DMD: variants seen among roughly 807,000 people sequenced by gnomAD.
The protein encoded by DMD is mutant dystrophin.
In DMD, 63 loss-of-function variants were observed where a neutral mutation model predicts 330.1. The observed-to-expected ratio is 0.19, with a 90% CI of 0.16 to 0.24. DMD has a LOEUF of 0.24. DMD is among the 10% of genes least tolerant of loss of function. DMD has a pLI of 1.00. For synonymous variants in DMD, 1,223 were observed against 959.8 expected (o/e 1.27, Z -5.07); for missense variants, 3,344 against 2,684.1 (o/e 1.25, Z -5.43).
Position 32,067,808 on chromosome X carries a change from G to T in DMD, c.6439-99294C>A, listed in dbSNP as rs986589731. ...ACTTTGCTATTGTGCATAGTGCTGT[G>T]ACAAACATGTGAGTGCATGTGTCTT... On this transcript the variant is annotated intron_variant, in intron 44 of 78. Transcript: ENST00000357033. Among the ~76,000 whole-genome samples, 68 of 112,109 alleles carry T rather than the reference G, an allele frequency of 6.1e-4. 1 individual carries two copies. The highest frequency in any genetic ancestry group is 2.1e-3 in the African/African-American group (64 of 30,916).
At chrX:32,559,493 T>A (rs934516134) in intron 16 of DMD, among the ~76,000 whole-genome samples, 1 of 111,842 alleles carries the variant, frequency 8.9e-6, no homozygotes, top group Non-Finnish European at 1.9e-5. Flanking sequence ...CCTTAGAGTA[T>A]TTTTAATTAA....
chrX:33,169,081 T>TG (rs34071606), intron 1 of DMD, among the ~76,000 whole-genome samples: 21,874 of 108,547 alleles, frequency 0.2, 2,162 homozygotes, highest in East Asian at 0.46. Flanking sequence ...TCAACAGTAT[T>TG]GGGGCCTCCC....
At chrX:31,333,158 T>C (rs906362770) in intron 61 of DMD, among the ~76,000 whole-genome samples, 27 of 112,212 alleles carry the variant, frequency 2.4e-4, no homozygotes, top group African/African-American at 8.7e-4. Context: ...ATCAACTGTG[T>C]TTTATCATTA....
In DMD at chrX:31,263,942, C is replaced by G. The variant is rs141789329; in HGVS notation, c.9225-2926G>C. ...GATTCTTTGGTAACTATATGACGAA[C>G]CAAATATTCACTTCACGGCTTGTTA... On this transcript the variant is annotated intron_variant, in intron 62 of 78. Coordinates refer to ENST00000357033, the MANE Select transcript of DMD (RefSeq NM_004006.3). Among the ~76,000 whole-genome samples the G allele has an allele frequency of 4.7e-3, 526 of 112,184 alleles. 2 individuals carry two copies. Among genetic ancestry groups the G allele is most frequent in the Non-Finnish European group, 6.6e-3 (349 of 53,229 alleles).
At chrX:31,817,436 A>G (rs2092660017) in intron 50 of DMD, among the ~76,000 whole-genome samples, 1 of 111,978 alleles carries the variant, frequency 8.9e-6, no homozygotes, top group Non-Finnish European at 1.9e-5. Context: ...TTATTTTAAT[A>G]AAAGCAGCTC....
intron 29 of DMD, chrX:32,412,378 A>T (rs1261908874): frequency 1.6e-5 from 3 of 184,316 alleles, no homozygotes; most frequent in Non-Finnish European, 2.5e-5. Flanking sequence ...GCTCCTTGTC[A>T]AAAACAGAAT....
intron 55 of DMD, among the ~76,000 whole-genome samples, chrX:31,513,174 T>C (rs2071821132): frequency 1.1e-5 from 1 of 93,398 alleles, no homozygotes; most frequent in Admixed American, 1.2e-4. Context: ...GTGATTTTTG[T>C]ACATTGATTT....
chrX:32,871,467 C>T (rs932579), intron 2 of DMD, among the ~76,000 whole-genome samples: 41,337 of 110,057 alleles, frequency 0.38, 5,818 homozygotes, highest in Admixed American at 0.42. Context: ...CTTCCTCAAG[C>T]GTGCTACTAT....
chrX:32,054,744 T>G (rs886560652), intron 44 of DMD, among the ~76,000 whole-genome samples: 2 of 107,626 alleles, frequency 1.9e-5, no homozygotes, highest in African/African-American at 3.4e-5. Context: ...TTCACTTTTT[T>G]TCATTCCTTT....
At chrX:31,154,261 C>G (rs934643261) in intron 74 of DMD, among the ~76,000 whole-genome samples, 1 of 110,540 alleles carries the variant, frequency 9.0e-6, no homozygotes, top group African/African-American at 3.3e-5. Context: ...AGTTACTGTT[C>G]CAAGGTAAGT....
At chrX:31,438,717 G>A (rs899120945) in intron 60 of DMD, among the ~76,000 whole-genome samples, 2 of 110,920 alleles carry the variant, frequency 1.8e-5, no homozygotes, top group African/African-American at 6.5e-5. Context: ...AGATGGCTAG[G>A]CTCTCTGTCC....
At chrX:31,124,893 G>A (rs912213214) in intron 78 of DMD, among the ~76,000 whole-genome samples, 22 of 111,388 alleles carry the variant, frequency 2.0e-4, no homozygotes, top group Non-Finnish European at 5.7e-5. Context: ...AAGGAAAGCC[G>A]GAATACTACA....
At chrX:31,570,525 A>G (rs752942497) in intron 55 of DMD, among the ~76,000 whole-genome samples, 399 of 111,436 alleles carry the variant, frequency 3.6e-3, no homozygotes, top group Non-Finnish European at 5.8e-3. Context: ...GAATTGTTCT[A>G]TAAGGGAAAA....
At chrX:32,580,990 C>T (rs1038372430) in intron 13 of DMD, among the ~76,000 whole-genome samples, 1 of 110,661 alleles carries the variant, frequency 9.0e-6, no homozygotes, top group Non-Finnish European at 1.9e-5. Flanking sequence ...CCACACCTGG[C>T]TCTTTTTTGT....
intron 12 of DMD, among the ~76,000 whole-genome samples, chrX:32,596,218 T>C (rs180956179): frequency 1.2e-4 from 13 of 109,342 alleles, no homozygotes; most frequent in Non-Finnish European, 2.1e-4. Context: ...CTACTGAACT[T>C]CTCCATTACC....
At chrX:31,650,207 C>G (rs2080368358) in intron 54 of DMD, among the ~76,000 whole-genome samples, 1 of 100,909 alleles carries the variant, frequency 9.9e-6, no homozygotes, top group Admixed American at 1.1e-4. Flanking sequence ...CTCCCACCCC[C>G]ACCTCGGCCT....
chrX:32,687,237 T>TTAC (rs1313126664), intron 9 of DMD, among the ~76,000 whole-genome samples: 1 of 112,191 alleles, frequency 8.9e-6, no homozygotes, highest in East Asian at 2.8e-4. Flanking sequence ...TAGAGTGCAC[T>TTAC]TTATTGAACA....
chrX:32,521,954 T>C (rs1014059972), intron 17 of DMD, among the ~76,000 whole-genome samples: 3 of 110,940 alleles, frequency 2.7e-5, no homozygotes, highest in African/African-American at 1.0e-4. Flanking sequence ...TTTTCCACCG[T>C]GTGAGGGCAC....
At chrX:31,261,487 T>C in intron 62 of DMD, 1 of 160,463 alleles carries the variant, frequency 6.2e-6, no homozygotes. Context: ...CATTTTTCCA[T>C]TACTCTTTCC....
Sources: allele counts gnomAD v4.1 joint callset (sites outside exome capture counted in the v4.1 genomes callset), GRCh38; gene constraint gnomAD v4.1.1; transcripts MANE v1.5; gene names NCBI Gene and HGNC (gene_info 2026-07-23, HGNC 2026-07-21).